SGCD: variants seen among roughly 807,000 people sequenced by gnomAD.
SGCD encodes the protein delta-sarcoglycan.
In SGCD, 18 loss-of-function variants were observed where a neutral mutation model predicts 36.6. That is an observed-to-expected ratio of 0.49 (90% CI 0.34 to 0.73). The LOEUF is 0.73. Among genes scored for constraint, SGCD ranks in the 30% least tolerant of loss-of-function variants. The pLI is 0.01. For synonymous variants in SGCD, 133 were observed against 130.6 expected (o/e 1.02, Z -0.12); for missense variants, 387 against 346.7 (o/e 1.12, Z -0.92).
intron 1 of SGCD, among the ~76,000 whole-genome samples, chr5:156,027,050 C>T (rs1759239351): frequency 6.6e-6 from 1 of 152,134 alleles, no homozygotes; most frequent in African/African-American, 2.4e-5. Flanking sequence ...CCCTGAGTAA[C>T]TTATTTTACT....
At chr5:156,160,158 C>T (rs1763056586) in intron 3 of SGCD, among the ~76,000 whole-genome samples, 1 of 151,474 alleles carries the variant, frequency 6.6e-6, no homozygotes. Flanking sequence ...GTAATAATTA[C>T]ATAATAAATA....
rs180913762 is a variant in SGCD at position 156,201,497 on chromosome 5, G to A, written c.-44+77478G>A. 5.1e-4 allele frequency among the ~76,000 whole-genome samples: 78 copies of A among 152,274 alleles called. No homozygotes were observed. The East Asian group carries it at 0.011, about 22-fold the overall frequency. ...CAAGATGTCTTACGTTGACATTAAA[G>A]TGTAACCATAGGAGGTTTTGGTTGG... On this transcript the variant is annotated intron_variant, in intron 3 of 9. Coordinates refer to the SGCD transcript ENST00000517913.
chr5:156,482,470 T>A (rs1755473966), intron 3 of SGCD, among the ~76,000 whole-genome samples: 2 of 152,200 alleles, frequency 1.3e-5, no homozygotes, highest in Non-Finnish European at 2.9e-5. Context: ...ATAACTTCGT[T>A]TTTTTCTCCT....
chr5:156,448,636 G>A (rs1476207654), intron 3 of SGCD, among the ~76,000 whole-genome samples: 1 of 150,360 alleles, frequency 6.7e-6, no homozygotes, highest in African/African-American at 2.5e-5. Context: ...GCAGTTGCCT[G>A]TTCCAGGGAC....
At chr5:155,751,648 A>C in the SGCD span, among the ~76,000 whole-genome samples, 1 of 151,630 alleles carries the variant, frequency 6.6e-6, no homozygotes, top group African/African-American at 2.4e-5. Context: ...AAATGCTGGG[A>C]TTATAGGCGT....
intron 1 of SGCD, among the ~76,000 whole-genome samples, chr5:155,887,182 TG>T (rs1192836135): frequency 6.6e-6 from 1 of 152,200 alleles, no homozygotes; most frequent in Admixed American, 6.5e-5. Flanking sequence ...CCTAAGAAGT[TG>T]CATGGAAATC....
chr5:155,774,058 G>T, the SGCD span, among the ~76,000 whole-genome samples: 1 of 152,056 alleles, frequency 6.6e-6, no homozygotes, highest in Admixed American at 6.6e-5. Context: ...CCCTCTCAAG[G>T]ACCCAACTTC....
intron 1 of SGCD, among the ~76,000 whole-genome samples, chr5:156,106,176 G>T (rs374225892): frequency 6.8e-6 from 1 of 147,142 alleles, no homozygotes; most frequent in Non-Finnish European, 1.5e-5. Flanking sequence ...GTAATTATGC[G>T]CAGTGATCCA....
chr5:155,985,853 C>G (rs1211500680), intron 1 of SGCD, among the ~76,000 whole-genome samples: 1 of 152,126 alleles, frequency 6.6e-6, no homozygotes, highest in Non-Finnish European at 1.5e-5. Context: ...GGAGCTGTCC[C>G]TCACTTGCTT....
intron 3 of SGCD, among the ~76,000 whole-genome samples, chr5:156,252,594 G>A (rs770440025): frequency 9.9e-5 from 15 of 152,106 alleles, no homozygotes; most frequent in African/African-American, 1.7e-4. Flanking sequence ...ACTATAATGC[G>A]TGAGTGTTGT....
At chr5:156,074,818 A>G (rs1445218477) in intron 1 of SGCD, among the ~76,000 whole-genome samples, 1 of 152,262 alleles carries the variant, frequency 6.6e-6, no homozygotes, top group Non-Finnish European at 1.5e-5. Context: ...CAGGATAAAC[A>G]GGTGTGCTAA....
At chr5:156,676,996 A>G (rs1753540644) in intron 7 of SGCD, among the ~76,000 whole-genome samples, 1 of 152,212 alleles carries the variant, frequency 6.6e-6, no homozygotes, top group Non-Finnish European at 1.5e-5. Context: ...TCCTGGGCCT[A>G]CCATCAGTCT....
At chr5:156,190,371 G>T (rs977438005) in intron 3 of SGCD, among the ~76,000 whole-genome samples, 3 of 152,106 alleles carry the variant, frequency 2.0e-5, no homozygotes, top group Non-Finnish European at 2.9e-5. Context: ...ACCAAAAAAG[G>T]ATCTGCCCGG....
intron 4 of SGCD, among the ~76,000 whole-genome samples, chr5:156,548,426 G>A (rs1445163590): frequency 6.6e-6 from 1 of 152,194 alleles, no homozygotes; most frequent in Non-Finnish European, 1.5e-5. Context: ...ATTGGTTCAT[G>A]CAAATTGAAA....
At chr5:155,852,914 G>A in the SGCD span, among the ~76,000 whole-genome samples, 2 of 151,940 alleles carry the variant, frequency 1.3e-5, no homozygotes, top group African/African-American at 2.4e-5. Context: ...CTTGATTTCC[G>A]GGTGACAATT....
intron 4 of SGCD, among the ~76,000 whole-genome samples, chr5:156,537,666 G>C (rs1380873795): frequency 1.3e-5 from 2 of 151,852 alleles, no homozygotes; most frequent in Non-Finnish European, 2.9e-5. Flanking sequence ...TTCATGCCCA[G>C]TTGAAACCAC....
chr5:155,929,061 C>A (rs1398391676), intron 1 of SGCD, among the ~76,000 whole-genome samples: 1 of 152,086 alleles, frequency 6.6e-6, no homozygotes, highest in Non-Finnish European at 1.5e-5. Flanking sequence ...ACGGTAAAAT[C>A]TTTTCCTTTT....
intron 3 of SGCD, among the ~76,000 whole-genome samples, chr5:156,190,747 A>G (rs6883190): frequency 0.31 from 46,922 of 151,948 alleles, 7,727 homozygotes; most frequent in East Asian, 0.6. Flanking sequence ...GAGCAGGAAA[A>G]AGGTGGTAGT....
chr5:156,533,745 T>C (rs1318736318), intron 4 of SGCD, among the ~76,000 whole-genome samples: 2 of 152,186 alleles, frequency 1.3e-5, no homozygotes, highest in African/African-American at 4.8e-5. Flanking sequence ...TAGGGCTTAA[T>C]TACCTGTGGG....
Sources: allele counts gnomAD v4.1 joint callset (sites outside exome capture counted in the v4.1 genomes callset), GRCh38; gene constraint gnomAD v4.1.1; transcripts MANE v1.5; gene names NCBI Gene and HGNC (gene_info 2026-07-23, HGNC 2026-07-21).